THRA: variants seen among roughly 807,000 people sequenced by gnomAD.
THRA encodes the protein EAR-7.
A neutral mutation model predicts 45.0 loss-of-function variants in THRA; 13 were observed. The ratio of observed to expected loss-of-function variants is 0.29; its 90% confidence interval spans 0.19 to 0.46. The LOEUF (loss-of-function observed/expected upper bound fraction) is 0.46. THRA is among the 20% of genes least tolerant of loss of function. The pLI is 1.00. For synonymous variants in THRA, 195 were observed against 214.0 expected (o/e 0.91, Z 0.78); for missense variants, 278 against 556.1 (o/e 0.50, Z 5.03).
In THRA at chr17:40,089,691, G is replaced by A. The variant is rs558063583; in HGVS notation, c.*235G>A. On this transcript the variant is annotated 3_prime_UTR_variant, in exon 9 of 9. Coordinates refer to ENST00000450525, the MANE Select transcript of THRA (RefSeq NM_199334.5). The surrounding 1 kb of genome is among the most constrained non-coding windows in gnomAD (Gnocchi z 6.1). The stretch of plus-strand genomic sequence containing the variant: ...GGAAAGGACAGTGTGGGAGGCTGGG[G>A]GAGCTGTGTCCTGCAGTTCCCAGGA... 8.6e-5 allele frequency: 119 copies of A among 1,384,550 alleles called. 1 individual carries two copies. The South Asian group carries it at 1.7e-3, about 20-fold the overall frequency. The allele number at this position is 1,384,550 out of a possible 1,614,324, so 85.8% of individuals were successfully genotyped here. A position where few individuals can be genotyped will look rare whatever the true frequency, so the allele number is the denominator to read the frequency against.
chr17:40,086,602 C>A, intron 6 of THRA, 105 bp from the exon 7 acceptor site: 2 of 1,455,744 alleles, frequency 1.4e-6, no homozygotes, highest in East Asian at 2.4e-5. Flanking sequence ...CACGGGCGGC[C>A]CCTCTTCCCC....
At chr17:40,088,056 G>C (rs575745741) in intron 7 of THRA, among the ~76,000 whole-genome samples, 186 bp from the exon 8 acceptor site, 1 of 152,124 alleles carries the variant, frequency 6.6e-6, no homozygotes, top group African/African-American at 2.4e-5. Context: ...CCACTGCGCC[G>C]GGCCTCACAG....
At chr17:40,084,941 A>T (rs1250261225) in intron 6 of THRA, 126 bp downstream of exon 6, 1 of 1,026,718 alleles carries the variant, frequency 9.7e-7, no homozygotes, top group East Asian at 2.6e-5. Context: ...TACTCTTCAC[A>T]CTTTTGCTGT....
At chr17:40,067,628 C>G (rs550001623) in intron 1 of THRA, among the ~76,000 whole-genome samples, 113 of 152,250 alleles carry the variant, frequency 7.4e-4, no homozygotes, top group African/African-American at 2.5e-3. Context: ...TCTCCAAACC[C>G]CTTTTATTTA....
chr17:40,083,624 C>A (rs1175584239), intron 4 of THRA, among the ~76,000 whole-genome samples: 11 of 152,224 alleles, frequency 7.2e-5, no homozygotes, highest in Admixed American at 5.2e-4. Context: ...CAGACACCCC[C>A]AACCCCTCAG....
chr17:40,062,392 A>T (rs528513397), upstream of THRA: 1 of 152,288 alleles, frequency 6.6e-6, no homozygotes, highest in Non-Finnish European at 1.5e-5. Context: ...TCACCTGCCC[A>T]GCCCTCGCAG....
Position 40,090,938 on chromosome 17 carries a change from C to G in THRA, c.*1482C>G, listed in dbSNP as rs1488918019. The G allele has an allele frequency of 1.3e-5, 2 of 152,508 alleles. No homozygotes were observed. The highest frequency in any genetic ancestry group is 2.1e-4 in the South Asian group (1 of 4,826). The allele number at this position is 152,508 out of a possible 1,614,324, so 9.4% of individuals were successfully genotyped here. A position where few individuals can be genotyped will look rare whatever the true frequency, so the allele number is the denominator to read the frequency against. Reference sequence around the variant, plus strand: ...ACTTGGGTGAGCTGTCCTCCTCCCCCTCCCTGTGGCTGCCGCCCACTCCTC... The same window carrying G: ...ACTTGGGTGAGCTGTCCTCCTCCCCGTCCCTGTGGCTGCCGCCCACTCCTC... On this transcript the variant is annotated 3_prime_UTR_variant, in exon 9 of 9. Coordinates refer to ENST00000450525, the MANE Select transcript of THRA (RefSeq NM_199334.5).
At chr17:40,077,214 G>C (rs1025303649) in intron 3 of THRA, among the ~76,000 whole-genome samples, 2 of 152,162 alleles carry the variant, frequency 1.3e-5, no homozygotes, top group Non-Finnish European at 2.9e-5. Context: ...GGACTGAGGG[G>C]CTGTATTATC....
chr17:40,090,094 C>A lies in THRA; in HGVS notation c.*638C>A. ...GAGAGAGATGATATTAAGTTATTAACTGAGGCTGACCAGAGGGGAGGACCC... is the reference window on the plus strand; with the variant it reads ...GAGAGAGATGATATTAAGTTATTAAATGAGGCTGACCAGAGGGGAGGACCC... On this transcript the variant is annotated 3_prime_UTR_variant, in exon 9 of 9. Coordinates refer to ENST00000450525, the MANE Select transcript of THRA (RefSeq NM_199334.5). 1 of 949,356 alleles carries A rather than the reference C, an allele frequency of 1.1e-6. No individual in the cohort carries two copies. The highest frequency in any genetic ancestry group is 4.9e-5 in the South Asian group (1 of 20,592). 58.8% of individuals were successfully genotyped at this position (949,356 alleles called of 1,614,324 possible).
In THRA at chr17:40,084,749, T is replaced by G; in HGVS notation, c.510T>G (p.Ile170Met). The change falls in exon 6 of 9, where the codon ATT becomes ATG. Residue 170 changes from isoleucine (I) to methionine (M), a missense_variant. By Grantham distance (10) the Ile-to-Met change is conservative. Around this residue, in one of 6 missense-constraint regions of THRA, gnomAD observed 111 missense variants for 167.1 expected, o/e 0.66. Transcript: ENST00000450525. ...CTGAAGAGTGGGATCTGATCCACAT[T>G]GCCACAGAGGCCCATCGCAGCACCA... ...PTPEEWDLIH[I>M]ATEAHRSTNA... The G allele has an allele frequency of 6.2e-7, 1 of 1,614,004 alleles. No individual in the cohort carries two copies. Among genetic ancestry groups the G allele is most frequent in the African/African-American group, 1.3e-5 (1 of 75,004 alleles).
chr17:40,088,052 C>T (rs1329492948), intron 7 of THRA, among the ~76,000 whole-genome samples, 190 bp from the exon 8 acceptor site: 12 of 152,288 alleles, frequency 7.9e-5, no homozygotes, highest in South Asian at 2.1e-4. Context: ...TGAGCCACTG[C>T]GCCGGGCCTC....
At chr17:40,083,634 G>A (rs1287865471) in intron 4 of THRA, among the ~76,000 whole-genome samples, 3 of 152,174 alleles carry the variant, frequency 2.0e-5, no homozygotes, top group African/African-American at 7.2e-5. Context: ...CAACCCCTCA[G>A]CAGCCTGGGG....
intron 8 of THRA, 79 bp downstream of exon 8, chr17:40,088,579 A>G (rs181894460): frequency 5.9e-6 from 9 of 1,516,826 alleles, no homozygotes; most frequent in African/African-American, 1.4e-5. Context: ...CTGTTGCTCA[A>G]CTCCCTCCTG....
chr17:40,067,778 G>A (rs966680619), intron 1 of THRA, among the ~76,000 whole-genome samples: 1 of 152,154 alleles, frequency 6.6e-6, no homozygotes. Flanking sequence ...AATATTTTGG[G>A]AGGCCAAGGC....
chr17:40,091,016 T>G lies in THRA; in HGVS notation c.*1560T>G, dbSNP rs1987514764. 1 of 138,488 alleles carries G rather than the reference T, an allele frequency of 7.2e-6. No individual in the cohort carries two copies. Among genetic ancestry groups the G allele is most frequent in the East Asian group, 2.2e-4 (1 of 4,576 alleles). The allele number at this position is 138,488 out of a possible 1,614,324, so 8.6% of individuals were successfully genotyped here. ...CCTCCCATGGGAGCAGGAGGTGGGG[T>G]GGGACAGAGCAGACCAGAGGGTGCT... On this transcript the variant is annotated 3_prime_UTR_variant, in exon 9 of 9. Transcript: ENST00000450525.
Position 40,086,690 on chromosome 17 carries a change from C to T in THRA, c.577-17C>T. The T allele has an allele frequency of 6.2e-7, 1 of 1,609,568 alleles. No homozygotes were observed. The highest frequency in any genetic ancestry group is 8.5e-7 in the Non-Finnish European group (1 of 1,176,314). ...AAGGGGTCTGCGGCCCCAGCTGACC[C>T]CCGTCTTTCTCTCTAGCCCGATGAC... On this transcript the variant is annotated splice_polypyrimidine_tract_variant and intron_variant, in intron 6 of 8. Transcript: ENST00000450525.
rs1371036262 is a variant in THRA, at chr17:40,090,563, C to CG, written c.*1112dup. The CG allele has an allele frequency of 6.6e-6, 1 of 152,262 alleles. No homozygotes were observed. Among genetic ancestry groups the CG allele is most frequent in the Non-Finnish European group, 1.5e-5 (1 of 68,150 alleles). The allele number at this position is 152,262 out of a possible 1,614,324, so 9.4% of individuals were successfully genotyped here. On this transcript the variant is annotated 3_prime_UTR_variant, in exon 9 of 9. Coordinates refer to ENST00000450525, the MANE Select transcript of THRA (RefSeq NM_199334.5). ...CCGGATGCTGCTGCATTGGTTGGGTCGGGGGTAGGAGGGCTGTGCGTGAGC... is the reference window on the plus strand; with the variant it reads ...CCGGATGCTGCTGCATTGGTTGGGTCGGGGGGTAGGAGGGCTGTGCGTGAGC...
At chr17:40,084,312 G>A in intron 5 of THRA, 1 of 509,608 alleles carries the variant, frequency 2.0e-6, no homozygotes, top group Non-Finnish European at 3.5e-6. Flanking sequence ...ATGAGACAGG[G>A]CATCTTCCAT....
chr17:40,065,639 C>T (rs963633573), intron 1 of THRA, among the ~76,000 whole-genome samples: 1 of 152,180 alleles, frequency 6.6e-6, no homozygotes, highest in South Asian at 2.1e-4. Context: ...CCCTCTGCCC[C>T]CCCTGCGCAG....
Sources: gnomAD v4.1 joint callset for allele counts (sites outside exome capture counted in the v4.1 genomes callset) on GRCh38, gnomAD v4.1.1 for gene constraint, gnomAD v4.1.1 regional missense constraint, Gnocchi (gnomAD v3.1) non-coding constraint, MANE v1.5 for transcripts, NCBI Gene and HGNC (gene_info 2026-07-23, HGNC 2026-07-21) for gene names.